NUP188: variants seen among roughly 807,000 people sequenced by gnomAD.
NUP188 encodes the protein nucleoporin 188, also known as nucleoporin NUP188.
A neutral mutation model predicts 223.0 loss-of-function variants in NUP188; 97 were observed. That is an observed-to-expected ratio of 0.43 (90% CI 0.37 to 0.51). NUP188 has a LOEUF of 0.51. Ranked by LOEUF, NUP188 falls within the 20% of genes least tolerant of loss-of-function variation. The pLI, the probability that NUP188 is intolerant of heterozygous loss-of-function variation, is 0.00. For missense variants in NUP188, 1,947 were observed against 2,175.6 expected (o/e 0.89, Z 2.09); for synonymous variants, 869 against 828.0 (o/e 1.05, Z -0.85).
At chr9:128,969,853 A>G (rs1842082287) in intron 10 of NUP188, among the ~76,000 whole-genome samples, 1 of 151,948 alleles carries the variant, frequency 6.6e-6, no homozygotes, top group Admixed American at 6.6e-5. Flanking sequence ...AAGAGGTCTC[A>G]ATCTCCTGAC....
intron 32 of NUP188, among the ~76,000 whole-genome samples, chr9:128,998,920 G>A (rs1276874244): frequency 1.3e-5 from 2 of 149,148 alleles, no homozygotes; most frequent in African/African-American, 2.5e-5. Context: ...GCAGTGGCGC[G>A]ATCTCGGCTC....
At chr9:128,962,521 C>A (rs1159646515) in intron 8 of NUP188, among the ~76,000 whole-genome samples, 1 of 151,954 alleles carries the variant, frequency 6.6e-6, no homozygotes, top group Non-Finnish European at 1.5e-5. Context: ...AGTGCTGGGA[C>A]TACAGGCGTG....
chr9:128,967,258 C>A (rs966572550), intron 8 of NUP188, among the ~76,000 whole-genome samples: 1 of 152,220 alleles, frequency 6.6e-6, no homozygotes, highest in African/African-American at 2.4e-5. Flanking sequence ...AGTCCTCCCA[C>A]TTTGGCCTCC....
At chr9:128,957,622 G>A (rs978467142) in intron 5 of NUP188, among the ~76,000 whole-genome samples, 2 of 151,942 alleles carry the variant, frequency 1.3e-5, no homozygotes, top group Admixed American at 1.3e-4. Context: ...CTGCCACCAC[G>A]CCCGGCTAAT....
rs1247088265 is a variant in NUP188 at position 129,005,160 on chromosome 9, A to G, written c.4448A>G (p.Tyr1483Cys). The change falls in exon 39 of 44, where the codon TAC becomes TGC. Residue 1483 changes from tyrosine to cysteine, a missense_variant. Around this residue, in one of 3 missense-constraint regions of NUP188, gnomAD observed 905 missense variants for 990.6 expected, o/e 0.91. Coordinates refer to ENST00000372577, the MANE Select transcript of NUP188 (RefSeq NM_015354.3). Reference protein sequence around the residue: ...LMRDIQVNLGYLCQACTSLLH... With the variant: ...LMRDIQVNLGCLCQACTSLLH... ...TGTCTCTCCCAGGTCAACCTGGGTT[A>G]CTTGTGCCAGGCATGTACCTCTCTC... 5.0e-6 allele frequency: 8 copies of G among 1,613,918 alleles called. No individual in the cohort carries two copies. Among genetic ancestry groups the G allele is most frequent in the Middle Eastern group, 1.6e-4 (1 of 6,062 alleles).
At chr9:129,000,987 A>C (rs1418896227) in intron 34 of NUP188, among the ~76,000 whole-genome samples, 2 of 152,064 alleles carry the variant, frequency 1.3e-5, no homozygotes, top group Admixed American at 1.3e-4. Flanking sequence ...CAGTGAGCCG[A>C]GATCGCGCCG....
Position 128,986,855 on chromosome 9 carries a change from C to T in NUP188, c.2244C>T (p.His748=), listed in dbSNP as rs141269541. 115 of 1,614,020 alleles carry T rather than the reference C, an allele frequency of 7.1e-5. No individual in the cohort carries two copies. Among genetic ancestry groups the T allele is most frequent in the African/African-American group, 2.3e-4 (17 of 75,000 alleles). ...ELIHAILNLC[H]ETDLHSSHTP... Reference sequence around the variant, plus strand: ...TTCATGCGATACTGAACCTGTGCCACGAGACAGACCTGCACAGCAGGTAAT... The same window carrying T: ...TTCATGCGATACTGAACCTGTGCCATGAGACAGACCTGCACAGCAGGTAAT... Residue 748 remains histidine, a synonymous_variant, in exon 22 of 44, where the codon CAC becomes CAT. Transcript: ENST00000372577.
At chr9:128,984,843 T>C (rs1453652724) in intron 19 of NUP188, 57 bp from the exon 20 acceptor site, 2 of 1,219,132 alleles carry the variant, frequency 1.6e-6, no homozygotes, top group African/African-American at 3.0e-5. Context: ...CTATGATTAG[T>C]TTCTTGAAAC....
chr9:128,990,701 G>GA (rs1160148423), intron 25 of NUP188, among the ~76,000 whole-genome samples: 1 of 152,134 alleles, frequency 6.6e-6, no homozygotes, highest in Non-Finnish European at 1.5e-5. Context: ...CTTCTCTACT[G>GA]AAAAATACAA....
At position 129,003,532 on chromosome 9, in the gene NUP188, T is replaced by C. The variant is rs565416962; in HGVS notation, c.4434+78T>C. ...AGGCTGTGAGGTCTCACTGGGGCAC[T>C]CCTAGTGAATTGCAGGATGTTCCTG... On this transcript the variant is annotated intron_variant, in intron 38 of 43. Transcript: ENST00000372577. 4.1e-5 allele frequency: 61 copies of C among 1,479,468 alleles called. No homozygotes were observed. In the African/African-American group the frequency reaches 7.0e-4, roughly 17 times the overall value. 91.6% of individuals were successfully genotyped at this position (1,479,468 alleles called of 1,614,324 possible).
Position 128,958,066 on chromosome 9 carries a change from T to C in NUP188, c.372+12T>C. The stretch of plus-strand genomic sequence containing the variant: ...CCTTAATCCTGAAGGTCAGTAGTAG[T>C]CACCATTTCTATTCTTTGATGTAAA... On this transcript the variant is annotated intron_variant, in intron 6 of 43. Coordinates refer to ENST00000372577, the MANE Select transcript of NUP188 (RefSeq NM_015354.3). 6.2e-7 allele frequency: 1 copy of C among 1,605,500 alleles called. No homozygotes were observed. Among genetic ancestry groups the C allele is most frequent in the Non-Finnish European group, 8.5e-7 (1 of 1,172,828 alleles).
At position 128,994,410 on chromosome 9, in the gene NUP188, G is replaced by A. The variant is rs766119143; in HGVS notation, c.3055G>A (p.Gly1019Arg). The change falls in exon 28 of 44, where the codon GGA becomes AGA. Residue 1019 changes from glycine (G) to arginine (R), a missense_variant. Coordinates refer to ENST00000372577, the MANE Select transcript of NUP188 (RefSeq NM_015354.3). ...GGAAAATTTAACCAGTCCGCTGTTT[G>A]GAACCCTTTCTCCTCCCTCTGAAAC... ...FWENLTSPLF[G>R]TLSPPSETSE... The A allele has an allele frequency of 1.9e-6, 3 of 1,613,658 alleles. No individual in the cohort carries two copies. In the Admixed American group the frequency reaches 5.0e-5, roughly 27 times the overall value.
intron 12 of NUP188, among the ~76,000 whole-genome samples, chr9:128,978,081 A>G (rs1842203726): frequency 6.6e-6 from 1 of 151,786 alleles, no homozygotes; most frequent in African/African-American, 2.4e-5. Flanking sequence ...TTTTAAACCC[A>G]GAGTTCTTGG....
rs545243837 is a variant in NUP188, at chr9:128,975,422, C to T, written c.1203+2173C>T. Among the ~76,000 whole-genome samples the T allele has an allele frequency of 3.2e-4, 49 of 151,460 alleles. No homozygotes were observed. The South Asian group carries it at 8.6e-3, about 26-fold the overall frequency. ...TATTTTTAGTAGAGATGGGGTTTCA[C>T]CGTGTTAGCCAGGATGATCTCGATT... On this transcript the variant is annotated intron_variant, in intron 12 of 43. Transcript: ENST00000372577.
chr9:128,961,586 CTATCTAGATAGA>C (rs1841953788), intron 8 of NUP188, among the ~76,000 whole-genome samples: 2 of 118,392 alleles, frequency 1.7e-5, no homozygotes, highest in Middle Eastern at 3.7e-3. Context: ...ATCTATCTAT[CTATCTAGATAGA>C]TAGATAGATA....
At position 128,984,817 on chromosome 9, in the gene NUP188, C is replaced by T. The variant is rs1041001655; in HGVS notation, c.1962-83C>T. 4 of 867,752 alleles carry T rather than the reference C, an allele frequency of 4.6e-6. No homozygotes were observed. In the African/African-American group the frequency reaches 5.1e-5, roughly 11 times the overall value. 53.8% of individuals were successfully genotyped at this position (867,752 alleles called of 1,614,324 possible). A position where few individuals can be genotyped will look rare whatever the true frequency, so the allele number is the denominator to read the frequency against. On this transcript the variant is annotated intron_variant, in intron 19 of 43. Coordinates refer to ENST00000372577, the MANE Select transcript of NUP188 (RefSeq NM_015354.3). ...CTATTTTATATTCAAGTCATCTAGA[C>T]TATAACAAGAATGCTCTATGATTAG... is the stretch of plus-strand genomic sequence containing the variant.
intron 12 of NUP188, among the ~76,000 whole-genome samples, chr9:128,976,488 T>C (rs1193663749): frequency 1.3e-5 from 2 of 152,022 alleles, no homozygotes; most frequent in Non-Finnish European, 2.9e-5. Flanking sequence ...CTGGCCAACA[T>C]GGTGAAACCC....
chr9:128,974,382 GGTT>G (rs770260190), intron 12 of NUP188, among the ~76,000 whole-genome samples: 1 of 148,552 alleles, frequency 6.7e-6, no homozygotes, highest in African/African-American at 2.5e-5. Context: ...TTCTGCAGCA[GGTT>G]GTTGTTTTTT....
chr9:128,965,359 T>C (rs1470472861), intron 8 of NUP188, among the ~76,000 whole-genome samples: 1 of 152,214 alleles, frequency 6.6e-6, no homozygotes, highest in Admixed American at 6.5e-5. Flanking sequence ...AGGCTGTTCA[T>C]ATTATTTTCT....
Sources: gnomAD v4.1 joint callset for allele counts (sites outside exome capture counted in the v4.1 genomes callset) on GRCh38, gnomAD v4.1.1 for gene constraint, gnomAD v4.1.1 regional missense constraint, MANE v1.5 for transcripts, NCBI Gene and HGNC (gene_info 2026-07-23, HGNC 2026-07-21) for gene names.